PRKCZ: variants seen among roughly 807,000 people sequenced by gnomAD.
The protein encoded by PRKCZ is protein kinase C zeta type.
In PRKCZ, 33 loss-of-function variants were observed where a neutral mutation model predicts 79.5. The observed-to-expected ratio is 0.41, with a 90% confidence interval of 0.31 to 0.55. PRKCZ has a LOEUF of 0.55. Ranked by LOEUF, PRKCZ falls within the 20% of genes least tolerant of loss-of-function variation. The pLI, the probability that PRKCZ is intolerant of heterozygous loss-of-function variation, is 0.19. For missense variants in PRKCZ, 578 were observed against 813.5 expected, an observed-to-expected ratio of 0.71 and a Z score of 3.52; for synonymous variants, 342 against 320.9, an observed-to-expected ratio of 1.07 and a Z score of -0.70.
chr1:2,056,138 A>G (rs1047554882), intron 2 of PRKCZ, among the ~76,000 whole-genome samples: 1 of 152,092 alleles, frequency 6.6e-6, no homozygotes, highest in Admixed American at 6.5e-5. Flanking sequence ...GTACACCTCC[A>G]TGTCCCTTTC....
chr1:2,096,573 C>T (rs1666563594), intron 4 of PRKCZ, among the ~76,000 whole-genome samples: 1 of 152,142 alleles, frequency 6.6e-6, no homozygotes, highest in Non-Finnish European at 1.5e-5. Context: ...TGCTGTTGGC[C>T]TAGTTCTGAC....
chr1:2,170,884 C>A (rs560323719), intron 11 of PRKCZ, among the ~76,000 whole-genome samples: 4 of 152,206 alleles, frequency 2.6e-5, no homozygotes, highest in Admixed American at 2.6e-4. Context: ...TTTGCTTATC[C>A]GTCCATCCCT....
chr1:2,094,378 C>G lies in PRKCZ; in HGVS notation c.334+34787C>G, dbSNP rs1315007246. 2.0e-5 allele frequency among the ~76,000 whole-genome samples: 3 copies of G among 152,056 alleles called. No homozygotes were observed. Among genetic ancestry groups the G allele is most frequent in the Non-Finnish European group, 4.4e-5 (3 of 68,006 alleles). On this transcript the variant is annotated intron_variant, in intron 4 of 17. Transcript: ENST00000378567. The surrounding 1 kb of genome is among the most constrained non-coding windows in gnomAD (Gnocchi z 7.3). ...GCCCCGGCTCGTTGAACCTTGGGCA[C>G]TGCCCATTCTGAGGCGCCCGCTGTG...
intron 16 of PRKCZ, chr1:2,182,493 T>TG (rs1308329609): frequency 6.5e-6 from 1 of 154,964 alleles, no homozygotes; most frequent in Non-Finnish European, 1.5e-5. Context: ...ACAGCCACAC[T>TG]GGGGGCATTT....
intron 8 of PRKCZ, among the ~76,000 whole-genome samples, chr1:2,150,340 G>C (rs1235848148): frequency 6.6e-6 from 1 of 152,172 alleles, no homozygotes; most frequent in South Asian, 2.1e-4. Flanking sequence ...CTAATAATGT[G>C]TGCCTGCCGG....
chr1:2,055,006 G>A (rs1371925279), intron 1 of PRKCZ, among the ~76,000 whole-genome samples: 4 of 150,440 alleles, frequency 2.7e-5, no homozygotes, highest in African/African-American at 4.9e-5. Context: ...GCAGTGGCGC[G>A]ATCTCGGCTC....
At chr1:2,143,612 A>G (rs1410191108) in intron 5 of PRKCZ, 1 of 152,302 alleles carries the variant, frequency 6.6e-6, no homozygotes, top group East Asian at 1.9e-4. Context: ...AAACAAGCTG[A>G]TAATTACCAT....
intron 4 of PRKCZ, among the ~76,000 whole-genome samples, chr1:2,117,970 A>G (rs1166175940): frequency 1.7e-5 from 2 of 118,036 alleles, no homozygotes; most frequent in South Asian, 2.8e-4. Context: ...TTGCAACTGT[A>G]TTTATGAGAG....
chr1:2,168,549 G>A lies in PRKCZ; in HGVS notation c.975-969G>A, dbSNP rs1012755452. On this transcript the variant is annotated intron_variant, in intron 10 of 17. Transcript: ENST00000378567. The surrounding 1 kb of genome is among the most constrained non-coding windows in gnomAD (Gnocchi z 4.7). ...AAACTTCACAGATGATTTGCAGCCA[G>A]TTCACCTGCCCTGTGTAAACTGGCC... is the stretch of plus-strand genomic sequence containing the variant. Among the ~76,000 whole-genome samples the A allele has an allele frequency of 6.6e-6, 1 of 152,198 alleles. No individual in the cohort carries two copies. The highest frequency in any genetic ancestry group is 1.9e-4 in the East Asian group (1 of 5,198).
chr1:2,092,662 T>C (rs1007302562), intron 4 of PRKCZ, among the ~76,000 whole-genome samples: 1 of 152,226 alleles, frequency 6.6e-6, no homozygotes, highest in Non-Finnish European at 1.5e-5. Context: ...ACATAATTTA[T>C]TCATGGATTT....
chr1:2,117,603 C>T (rs981900014), intron 4 of PRKCZ, among the ~76,000 whole-genome samples: 3 of 152,270 alleles, frequency 2.0e-5, no homozygotes, highest in Middle Eastern at 6.8e-3. Context: ...GTGACAGCCA[C>T]ATCCTCTCGT....
intron 4 of PRKCZ, among the ~76,000 whole-genome samples, chr1:2,103,965 G>A (rs1009810927): frequency 1.3e-5 from 2 of 152,198 alleles, no homozygotes; most frequent in African/African-American, 2.4e-5. Flanking sequence ...GAGATGGGAT[G>A]GACCCCTGCC....
chr1:2,093,027 C>T (rs1665790239), intron 4 of PRKCZ, among the ~76,000 whole-genome samples: 1 of 152,234 alleles, frequency 6.6e-6, no homozygotes, highest in Non-Finnish European at 1.5e-5. Flanking sequence ...CCCAGTTACA[C>T]CCACACGAGG....
chr1:2,183,831 G>C (rs1159159718), intron 16 of PRKCZ: 2 of 152,388 alleles, frequency 1.3e-5, no homozygotes, highest in Non-Finnish European at 2.9e-5. Context: ...GCTCCCATCA[G>C]GTTCCACCTC....
chr1:2,121,615 T>TGGTGGTGGTTAGGGTCAC (rs1671975901), intron 4 of PRKCZ, among the ~76,000 whole-genome samples: 1 of 67,468 alleles, frequency 1.5e-5, no homozygotes, highest in Non-Finnish European at 3.3e-5. Flanking sequence ...ATTAGGGTCA[T>TGGTGGTGGTTAGGGTCAC]GGTGGTGGTT....
At chr1:2,071,245 TC>T in intron 4 of PRKCZ, 3 of 336,454 alleles carry the variant, frequency 8.9e-6, no homozygotes, top group South Asian at 6.4e-5. Flanking sequence ...TTAGAGGAGC[TC>T]CTGGAACATA....
chr1:2,094,092 C>T lies in PRKCZ; in HGVS notation c.334+34501C>T, dbSNP rs564960804. On this transcript the variant is annotated intron_variant, in intron 4 of 17. Transcript: ENST00000378567. The surrounding 1 kb of genome is among the most constrained non-coding windows in gnomAD (Gnocchi z 7.3). ...TGTCCTGTCCTAGCGCAGCCACATC[C>T]CTTGGGAGCCTGCTTGTCTCTAGAA... 3.3e-5 allele frequency among the ~76,000 whole-genome samples: 5 copies of T among 152,298 alleles called. 1 individual carries two copies. Among genetic ancestry groups the T allele is most frequent in the Admixed American group, 3.3e-4 (5 of 15,310 alleles).
intron 4 of PRKCZ, among the ~76,000 whole-genome samples, chr1:2,099,618 G>A (rs1460973263): frequency 6.6e-6 from 1 of 152,164 alleles, no homozygotes; most frequent in Non-Finnish European, 1.5e-5. Context: ...CCGGGGGCAC[G>A]GCACAGGCTG....
chr1:2,087,239 C>A (rs1027665700), intron 4 of PRKCZ, among the ~76,000 whole-genome samples: 49 of 152,046 alleles, frequency 3.2e-4, no homozygotes, highest in African/African-American at 1.1e-3. Flanking sequence ...CCCACCACCA[C>A]ACCCAGCTAA....
Sources: gnomAD v4.1 joint callset for allele counts (sites outside exome capture counted in the v4.1 genomes callset) on GRCh38, gnomAD v4.1.1 for gene constraint, Gnocchi (gnomAD v3.1) non-coding constraint, MANE v1.5 for transcripts, NCBI Gene and HGNC (gene_info 2026-07-23, HGNC 2026-07-21) for gene names.